The following DLC1 variants were observed in gnomAD, a reference collection of about 807,000 sequenced individuals.
The protein encoded by DLC1 is rho GTPase-activating protein 7.
Under a neutral mutation model 140.3 loss-of-function variants are expected in DLC1, and 54 were observed. The observed-to-expected ratio is 0.38, with a 90% CI of 0.31 to 0.48. DLC1 has a LOEUF of 0.48. DLC1 is among the 20% of genes least tolerant of loss of function. The pLI, the probability that DLC1 is intolerant of heterozygous loss-of-function variation, is 0.96. For missense variants in DLC1, 2,536 were observed against 1,907.0 expected, an observed-to-expected ratio of 1.33 and a Z score of -6.14; for synonymous variants, 986 against 728.1, an observed-to-expected ratio of 1.35 and a Z score of -5.70.
chr8:13,490,238 C>CA (rs2117159687), intron 2 of DLC1, among the ~76,000 whole-genome samples: 1 of 152,134 alleles, frequency 6.6e-6, no homozygotes, highest in Admixed American at 6.5e-5. Flanking sequence ...TTCATTGGCT[C>CA]AAAAAATAGA....
intron 5 of DLC1, among the ~76,000 whole-genome samples, chr8:13,295,489 A>G (rs533574447): frequency 1.6e-4 from 24 of 152,362 alleles, no homozygotes; most frequent in Middle Eastern, 3.4e-3. Context: ...GAAGATGGGC[A>G]CCAGCCATTT....
intron 1 of DLC1, among the ~76,000 whole-genome samples, chr8:13,565,620 T>C (rs2117392703): frequency 6.6e-6 from 1 of 152,244 alleles, no homozygotes; most frequent in Admixed American, 6.5e-5. Flanking sequence ...ACTTTCACTT[T>C]TTGCCAGAAT....
At chr8:13,410,436 G>A (rs966019883) in intron 2 of DLC1, among the ~76,000 whole-genome samples, 3 of 152,052 alleles carry the variant, frequency 2.0e-5, no homozygotes, top group African/African-American at 7.2e-5. Flanking sequence ...GGAAGAAAAT[G>A]TGTACCTCAA....
intron 5 of DLC1, among the ~76,000 whole-genome samples, chr8:13,164,378 C>G (rs1824950057): frequency 6.6e-6 from 1 of 151,858 alleles, no homozygotes; most frequent in South Asian, 2.1e-4. Flanking sequence ...ATTTGTGTTT[C>G]TGTCTATCTG....
intron 4 of DLC1, among the ~76,000 whole-genome samples, chr8:13,376,751 AC>A (rs1210550615): frequency 6.6e-6 from 1 of 152,186 alleles, no homozygotes; most frequent in African/African-American, 2.4e-5. Context: ...TCCTGCTTTC[AC>A]CCACAGAGGA....
Position 13,295,764 on chromosome 8 carries a change from CT to C in DLC1, c.1348+9504del, listed in dbSNP as rs1244618127. Among the ~76,000 whole-genome samples the C allele has an allele frequency of 9.2e-5, 14 of 152,124 alleles. No individual in the cohort carries two copies. The East Asian group carries it at 2.7e-3, about 29-fold the overall frequency. ...CAAAGTAATAGCTTGTTACATGTAA[CT>C]TTCCAAAGTAAACATACCTCTCCAA... On this transcript the variant is annotated intron_variant, in intron 5 of 17. Coordinates refer to ENST00000276297, the MANE Select transcript of DLC1 (RefSeq NM_182643.3).
At chr8:13,357,340 C>T (rs1481804749) in intron 4 of DLC1, among the ~76,000 whole-genome samples, 2 of 152,220 alleles carry the variant, frequency 1.3e-5, no homozygotes, top group African/African-American at 2.4e-5. Flanking sequence ...CTATGTGTTT[C>T]AGATGCACCA....
In DLC1 at chr8:13,528,114, C is replaced by T. The variant is rs543656077; in HGVS notation, c.-125-27918G>A. ...TCCTCTGTGGAAGTGACATCTTAAC[C>T]ATAAGAATCAAGGAATACAACGATA... On this transcript the variant is annotated intron_variant, in intron 1 of 1. Transcript: ENST00000631382. Among the ~76,000 whole-genome samples, 6 of 152,038 alleles carry T rather than the reference C, an allele frequency of 3.9e-5. No individual in the cohort carries two copies. The South Asian group carries it at 8.3e-4, about 21-fold the overall frequency.
chr8:13,162,833 C>G (rs1824818028), intron 5 of DLC1, among the ~76,000 whole-genome samples: 1 of 152,160 alleles, frequency 6.6e-6, no homozygotes, highest in South Asian at 2.1e-4. Flanking sequence ...GTATTCCTAG[C>G]AGAGGCAGAA....
chr8:13,584,221 C>T (rs535648934), intron 1 of DLC1: 5 of 153,414 alleles, frequency 3.3e-5, no homozygotes, highest in African/African-American at 9.6e-5. Context: ...TGAACTTACC[C>T]AACCTGCAGC....
chr8:13,112,819 T>C (rs1820232014), intron 6 of DLC1, among the ~76,000 whole-genome samples: 1 of 152,170 alleles, frequency 6.6e-6, no homozygotes, highest in South Asian at 2.1e-4. Flanking sequence ...AGTCCTGGGA[T>C]TACAGGCATG....
At chr8:13,461,575 T>A (rs1388951033) in intron 2 of DLC1, among the ~76,000 whole-genome samples, 1 of 152,258 alleles carries the variant, frequency 6.6e-6, no homozygotes, top group Non-Finnish European at 1.5e-5. Flanking sequence ...TGATAGTTTT[T>A]GTCCTTTTCT....
chr8:13,477,422 A>C (rs572493154), intron 2 of DLC1, among the ~76,000 whole-genome samples: 3 of 152,318 alleles, frequency 2.0e-5, no homozygotes, highest in South Asian at 2.1e-4. Context: ...GCACGGATGT[A>C]CATTGTATTT....
At chr8:13,502,390 T>C (rs897696134) in intron 1 of DLC1, among the ~76,000 whole-genome samples, 1 of 152,232 alleles carries the variant, frequency 6.6e-6, no homozygotes, top group African/African-American at 2.4e-5. Flanking sequence ...TCAATTTTCA[T>C]AACGATCATT....
intron 7 of DLC1, among the ~76,000 whole-genome samples, chr8:13,104,506 G>A (rs758074434): frequency 1.3e-5 from 2 of 152,152 alleles, no homozygotes; most frequent in Non-Finnish European, 2.9e-5. Context: ...TCATCACTTA[G>A]TCTTCCTCAA....
At chr8:13,537,652 T>G (rs1276033349) in intron 1 of DLC1, among the ~76,000 whole-genome samples, 1 of 127,210 alleles carries the variant, frequency 7.9e-6, no homozygotes, top group African/African-American at 4.2e-5. Context: ...CTAACTCTTT[T>G]TTTTTTTTTT....
At chr8:13,416,202 T>G (rs544526783) in intron 2 of DLC1, among the ~76,000 whole-genome samples, 2 of 152,168 alleles carry the variant, frequency 1.3e-5, no homozygotes, top group Non-Finnish European at 2.9e-5. Flanking sequence ...TTCTACATCC[T>G]AAGTTTCATG....
At chr8:13,597,588 G>C (rs1805725917) in intron 1 of DLC1, among the ~76,000 whole-genome samples, 1 of 151,978 alleles carries the variant, frequency 6.6e-6, no homozygotes, top group African/African-American at 2.4e-5. Flanking sequence ...ATCATAGTGT[G>C]TTTTACATTG....
In DLC1 at chr8:13,532,100, G is replaced by C. The variant is rs140238408; in HGVS notation, c.-125-31904C>G. On this transcript the variant is annotated intron_variant, in intron 1 of 1. Transcript: ENST00000631382. Reference sequence around the variant, plus strand: ...TTAAGGCTAGATTAGAGCCAAAAGAGGTTTATTTCAAAAGCCAGAAGAGGC... The same window carrying C: ...TTAAGGCTAGATTAGAGCCAAAAGACGTTTATTTCAAAAGCCAGAAGAGGC... Among the ~76,000 whole-genome samples, 45 of 152,238 alleles carry C rather than the reference G, an allele frequency of 3.0e-4. No homozygotes were observed. The East Asian group carries it at 7.9e-3, about 27-fold the overall frequency.
Sources: gnomAD v4.1 joint callset for allele counts (sites outside exome capture counted in the v4.1 genomes callset) on GRCh38, gnomAD v4.1.1 for gene constraint, MANE v1.5 for transcripts, NCBI Gene and HGNC (gene_info 2026-07-23, HGNC 2026-07-21) for gene names.